Variants in ERC2 observed in about 807,000 individuals in gnomAD.
ERC2 encodes the protein ELKS/RAB6-interacting/CAST family member 2.
In ERC2, 42 loss-of-function variants were observed where a neutral mutation model predicts 114.8. That is an observed-to-expected ratio of 0.37 (90% CI 0.29 to 0.47). The LOEUF is 0.47. ERC2 is among the 20% of genes least tolerant of loss of function. The pLI is 0.99. For synonymous variants in ERC2, 454 were observed against 425.5 expected (o/e 1.07, Z -0.82); for missense variants, 939 against 1,150.7 (o/e 0.82, Z 2.66).
chr3:56,393,852 C>T (rs1472265029), intron 2 of ERC2, among the ~76,000 whole-genome samples: 1 of 152,040 alleles, frequency 6.6e-6, no homozygotes, highest in Admixed American at 6.6e-5. Flanking sequence ...AAAGAAGCTT[C>T]ATAGCACAAA....
intron 17 of ERC2, among the ~76,000 whole-genome samples, chr3:55,597,401 C>G (rs1240214457): frequency 2.9e-5 from 4 of 139,008 alleles, no homozygotes; most frequent in Non-Finnish European, 6.1e-5. Context: ...GCCTGGGTGA[C>G]AGAGTGAGAC....
chr3:55,732,913 G>A (rs2065344453), intron 15 of ERC2, among the ~76,000 whole-genome samples: 1 of 152,098 alleles, frequency 6.6e-6, no homozygotes, highest in African/African-American at 2.4e-5. Flanking sequence ...AGAGGTGAAG[G>A]TCAAGGTTGG....
rs1575745603 is a variant in ERC2 at position 55,829,600 on chromosome 3, A to C, written c.2564+58789T>G. Among the ~76,000 whole-genome samples, 4 of 152,310 alleles carry C rather than the reference A, an allele frequency of 2.6e-5. No individual in the cohort carries two copies. In the South Asian group the frequency reaches 8.3e-4, roughly 32 times the overall value. Reference sequence around the variant, plus strand: ...CATAATTACGTCTTACTGAAGTTTCAACCTCCTGGACTCAAGCTATCCTCC... The same window carrying C: ...CATAATTACGTCTTACTGAAGTTTCCACCTCCTGGACTCAAGCTATCCTCC... On this transcript the variant is annotated intron_variant, in intron 14 of 17. Coordinates refer to ENST00000288221, the MANE Select transcript of ERC2 (RefSeq NM_015576.3).
At chr3:55,860,547 A>C (rs1367615859) in intron 14 of ERC2, among the ~76,000 whole-genome samples, 1 of 152,172 alleles carries the variant, frequency 6.6e-6, no homozygotes, top group East Asian at 1.9e-4. Context: ...ACATTTACCA[A>C]GCCAGTCACT....
chr3:56,364,767 T>C (rs868037579), intron 2 of ERC2, among the ~76,000 whole-genome samples: 2 of 152,342 alleles, frequency 1.3e-5, no homozygotes, highest in Middle Eastern at 3.4e-3. Context: ...TAAGCCTTAA[T>C]CTTCTCCCGT....
chr3:56,210,227 A>G (rs976743174), intron 3 of ERC2, among the ~76,000 whole-genome samples: 2 of 152,198 alleles, frequency 1.3e-5, no homozygotes, highest in African/African-American at 4.8e-5. Flanking sequence ...GGAGATGTGC[A>G]TTTGTGTTTC....
intron 3 of ERC2, among the ~76,000 whole-genome samples, chr3:56,290,391 AC>A (rs1229203850): frequency 6.6e-6 from 1 of 152,240 alleles, no homozygotes; most frequent in African/African-American, 2.4e-5. Context: ...TAAGAAATTT[AC>A]TGTATTAAAA....
At chr3:55,629,026 G>T (rs1375140410) in intron 17 of ERC2, among the ~76,000 whole-genome samples, 2 of 152,166 alleles carry the variant, frequency 1.3e-5, no homozygotes, top group Non-Finnish European at 2.9e-5. Context: ...CTAAGAAGCA[G>T]AGATGGAAGG....
chr3:56,083,445 T>C (rs758088964), intron 6 of ERC2, among the ~76,000 whole-genome samples: 2 of 152,188 alleles, frequency 1.3e-5, no homozygotes, highest in Non-Finnish European at 2.9e-5. Flanking sequence ...TTTTCTGTTC[T>C]CTAAATTGAT....
chr3:56,086,733 G>A, intron 6 of ERC2, among the ~76,000 whole-genome samples: 1 of 152,044 alleles, frequency 6.6e-6, no homozygotes, highest in African/African-American at 2.4e-5. Flanking sequence ...TCCAAATTAG[G>A]TATCAATGAC....
rs1267335582 is a variant in ERC2, at chr3:55,569,323, A to G, written c.*40-58047T>C. ...CAAGATTATCTTGGGCTAAATCTGAAGAAGGAATCTGCACTCCTTCCATTC... is the reference window on the plus strand; with the variant it reads ...CAAGATTATCTTGGGCTAAATCTGAGGAAGGAATCTGCACTCCTTCCATTC... On this transcript the variant is annotated intron_variant, in intron 17 of 17. Transcript: ENST00000288221. 8.5e-5 allele frequency among the ~76,000 whole-genome samples: 13 copies of G among 152,278 alleles called. No individual in the cohort carries two copies. The East Asian group carries it at 2.1e-3, about 25-fold the overall frequency.
chr3:56,108,738 G>A (rs1442665194), intron 6 of ERC2, among the ~76,000 whole-genome samples: 1 of 152,018 alleles, frequency 6.6e-6, no homozygotes, highest in Non-Finnish European at 1.5e-5. Flanking sequence ...GGGGAAATCA[G>A]GTAAGCATGT....
chr3:55,531,301 G>A (rs1384586072), intron 17 of ERC2, among the ~76,000 whole-genome samples: 1 of 152,118 alleles, frequency 6.6e-6, no homozygotes, highest in Non-Finnish European at 1.5e-5. Context: ...ATGAATTGAT[G>A]CAACCCTCAA....
chr3:55,669,823 T>G (rs1216600292), intron 17 of ERC2, among the ~76,000 whole-genome samples: 1 of 152,222 alleles, frequency 6.6e-6, no homozygotes, highest in African/African-American at 2.4e-5. Flanking sequence ...CTTGGCCGTG[T>G]GTGCCAATGC....
chr3:56,061,591 T>C (rs1299335651), intron 7 of ERC2, among the ~76,000 whole-genome samples: 1 of 152,202 alleles, frequency 6.6e-6, no homozygotes, highest in East Asian at 1.9e-4. Flanking sequence ...ATAAAGGTCT[T>C]GTGGCAATGA....
chr3:55,776,056 A>G (rs1189201062), intron 14 of ERC2, among the ~76,000 whole-genome samples: 1 of 152,202 alleles, frequency 6.6e-6, no homozygotes, highest in African/African-American at 2.4e-5. Context: ...TAGGCTGGGC[A>G]AGAGGGGGCC....
chr3:56,185,880 G>A (rs1037205800), intron 3 of ERC2, among the ~76,000 whole-genome samples: 6 of 151,900 alleles, frequency 3.9e-5, no homozygotes, highest in Admixed American at 2.0e-4. Context: ...AGAGAGATGC[G>A]GCAGATGAGG....
At chr3:55,928,165 T>C (rs1381575852) in intron 13 of ERC2, among the ~76,000 whole-genome samples, 1 of 152,152 alleles carries the variant, frequency 6.6e-6, no homozygotes, top group Non-Finnish European at 1.5e-5. Flanking sequence ...CCATTTTTAG[T>C]TTTTTAAGGA....
At chr3:55,772,245 C>A (rs185749545) in intron 14 of ERC2, among the ~76,000 whole-genome samples, 1 of 152,178 alleles carries the variant, frequency 6.6e-6, no homozygotes, top group Non-Finnish European at 1.5e-5. Context: ...CAGGTTCAAG[C>A]AATTCTCCTG....
Sources: gnomAD v4.1 joint callset for allele counts (sites outside exome capture counted in the v4.1 genomes callset) on GRCh38, gnomAD v4.1.1 for gene constraint, MANE v1.5 for transcripts, NCBI Gene and HGNC (gene_info 2026-07-23, HGNC 2026-07-21) for gene names.